HYCC2: variants seen among roughly 807,000 people sequenced by gnomAD.
HYCC2 encodes the protein hyccin 2.
chr2:201,009,727 T>TG, the HYCC2 span, among the ~76,000 whole-genome samples: 1 of 152,022 alleles, frequency 6.6e-6, no homozygotes, highest in Admixed American at 6.6e-5. Flanking sequence ...CCCAAAGTGC[T>TG]GGGATTACAA....
At chr2:200,981,759 G>A in the HYCC2 span, 3 of 1,614,186 alleles carry the variant, frequency 1.9e-6, no homozygotes, top group African/African-American at 1.3e-5. This position sits in a 1 kb window ranked among gnomAD's most constrained non-coding sequence, Gnocchi z 4.5. Context: ...TCTGAGAAGA[G>A]GAGGATGGTT....
At chr2:201,063,490 T>C in the HYCC2 span, 5 of 1,592,232 alleles carry the variant, frequency 3.1e-6, no homozygotes, top group Non-Finnish European at 4.3e-6. Context: ...TTGAAGTGAT[T>C]GAAATCATGA....
At chr2:201,063,143 G>A in the HYCC2 span, 9 of 1,610,490 alleles carry the variant, frequency 5.6e-6, no homozygotes, top group Non-Finnish European at 7.6e-6. Context: ...GCTCTTCATT[G>A]GAGGGTTGAG....
At chr2:201,037,070 G>A in the HYCC2 span, among the ~76,000 whole-genome samples, 4 of 152,246 alleles carry the variant, frequency 2.6e-5, no homozygotes, top group South Asian at 8.3e-4. Context: ...AAATCAATGT[G>A]CAAAAATCAC....
the HYCC2 span, chr2:200,992,398 G>T: frequency 7.3e-7 from 1 of 1,361,596 alleles, no homozygotes; most frequent in South Asian, 1.2e-5. Flanking sequence ...TTATACTCTT[G>T]AGCAAATATC....
the HYCC2 span, chr2:200,993,066 T>C: frequency 8.5e-7 from 1 of 1,171,380 alleles, no homozygotes; most frequent in East Asian, 2.3e-5. Flanking sequence ...GTTTTTGTTT[T>C]CCTAAATTCA....
the HYCC2 span, among the ~76,000 whole-genome samples, chr2:201,000,970 C>CA: frequency 0.046 from 2,692 of 58,108 alleles, 31 homozygotes; most frequent in Middle Eastern, 0.074. Context: ...CCTGTCTCTA[C>CA]AAAAAAAAAA....
At chr2:201,017,399 A>G in the HYCC2 span, among the ~76,000 whole-genome samples, 1 of 152,202 alleles carries the variant, frequency 6.6e-6, no homozygotes, top group Non-Finnish European at 1.5e-5. Context: ...ACCTTTCAGT[A>G]TACTGTACTA....
chr2:200,984,049 T>C, the HYCC2 span, among the ~76,000 whole-genome samples: 1 of 150,558 alleles, frequency 6.6e-6, no homozygotes, highest in Non-Finnish European at 1.5e-5. Flanking sequence ...ATTTTTATTA[T>C]TTTTTTTTGA....
the HYCC2 span, among the ~76,000 whole-genome samples, chr2:201,047,541 T>G: frequency 6.6e-6 from 1 of 150,618 alleles, no homozygotes. Context: ...AAAGAATAAC[T>G]GGGAGTTTTC....
At chr2:201,069,568 AC>A in the HYCC2 span, among the ~76,000 whole-genome samples, 4 of 140,960 alleles carry the variant, frequency 2.8e-5, no homozygotes, top group African/African-American at 1.0e-4. Context: ...ACACACACAC[AC>A]ACACACACAC....
At chr2:201,063,742 TG>T in the HYCC2 span, 1 of 1,586,218 alleles carries the variant, frequency 6.3e-7, no homozygotes, top group South Asian at 1.1e-5. Context: ...ACTTTGGTCA[TG>T]GAAGAAACTT....
At chr2:201,004,949 G>A in the HYCC2 span, among the ~76,000 whole-genome samples, 2 of 150,762 alleles carry the variant, frequency 1.3e-5, no homozygotes, top group African/African-American at 2.4e-5. Flanking sequence ...CCCAGGAGGC[G>A]GAGTTTGCAC....
the HYCC2 span, chr2:201,063,119 G>C: frequency 1.2e-6 from 2 of 1,610,102 alleles, no homozygotes; most frequent in Non-Finnish European, 1.7e-6. Flanking sequence ...TAAAGAGCCC[G>C]AACAGCTGAG....
the HYCC2 span, among the ~76,000 whole-genome samples, chr2:201,068,917 A>G: frequency 6.6e-6 from 1 of 152,046 alleles, no homozygotes; most frequent in East Asian, 1.9e-4. Context: ...CAATTCTGGA[A>G]ATCAAAAAAA....
chr2:201,025,920 C>T, the HYCC2 span, among the ~76,000 whole-genome samples: 1 of 152,140 alleles, frequency 6.6e-6, no homozygotes, highest in Admixed American at 6.5e-5. Flanking sequence ...CAAAAATTAG[C>T]TGGGTGCGCT....
At chr2:201,054,172 G>A in the HYCC2 span, among the ~76,000 whole-genome samples, 1 of 152,138 alleles carries the variant, frequency 6.6e-6, no homozygotes, top group Non-Finnish European at 1.5e-5. Context: ...TCTCATTAGG[G>A]GCTAATCTGA....
chr2:201,005,016 C>CAAAA, the HYCC2 span, among the ~76,000 whole-genome samples: 1 of 56,566 alleles, frequency 1.8e-5, no homozygotes, highest in African/African-American at 6.7e-5. Flanking sequence ...GACTCCATCT[C>CAAAA]AAAAAAAAAA....
chr2:201,033,196 T>TGTGTGA, the HYCC2 span, among the ~76,000 whole-genome samples: 826 of 106,188 alleles, frequency 7.8e-3, 4 homozygotes, highest in Middle Eastern at 0.011. Flanking sequence ...TGTGTGTGTG[T>TGTGTGA]GAGAGAGAGA....
Sources: allele counts gnomAD v4.1 joint callset (sites outside exome capture counted in the v4.1 genomes callset), GRCh38; gene constraint gnomAD v4.1.1; non-coding constraint Gnocchi (gnomAD v3.1); transcripts MANE v1.5; gene names NCBI Gene and HGNC (gene_info 2026-07-23, HGNC 2026-07-21).